The following RNF220 variants were observed in gnomAD, a reference collection of about 807,000 sequenced individuals.
RNF220 encodes E3 ubiquitin-protein ligase RNF220.
A neutral mutation model predicts 67.1 loss-of-function variants in RNF220; 7 were observed. That is an observed-to-expected ratio of 0.10 (90% CI 0.06 to 0.20). The LOEUF is 0.20. RNF220 is among the 10% of genes least tolerant of loss of function. RNF220 has a pLI of 1.00. For missense variants in RNF220, 565 were observed against 740.3 expected (o/e 0.76, Z 2.75); for synonymous variants, 270 against 283.2 (o/e 0.95, Z 0.47).
At chr1:44,647,286 A>G (rs1396145332) in intron 12 of RNF220, among the ~76,000 whole-genome samples, 1 of 152,182 alleles carries the variant, frequency 6.6e-6, no homozygotes, top group Non-Finnish European at 1.5e-5. Flanking sequence ...GGACTAGGCA[A>G]ATTCTCAGCT....
Position 44,650,921 on chromosome 1 carries a change from C to A in RNF220, c.*146C>A, listed in dbSNP as rs772409165. 2 of 699,650 alleles carry A rather than the reference C, an allele frequency of 2.9e-6. No individual in the cohort carries two copies. Among genetic ancestry groups the A allele is most frequent in the Non-Finnish European group, 5.0e-6 (2 of 396,630 alleles). The allele number at this position is 699,650 out of a possible 1,614,324, so 43.3% of individuals were successfully genotyped here. On this transcript the variant is annotated 3_prime_UTR_variant, in exon 15 of 15. Coordinates refer to ENST00000361799, the MANE Select transcript of RNF220 (RefSeq NM_018150.4). This position sits in a 1 kb window ranked among gnomAD's most constrained non-coding sequence, Gnocchi z 4.3. ...ACTCAAACATGCGTACACACACACA[C>A]ATTTACACACGCAGGACTCTGGAGC... is the stretch of plus-strand genomic sequence containing the variant.
chr1:44,451,318 G>A (rs1652661429), intron 2 of RNF220, among the ~76,000 whole-genome samples: 1 of 151,780 alleles, frequency 6.6e-6, no homozygotes, highest in African/African-American at 2.4e-5. Context: ...TTTAATTTTT[G>A]CAAATCTAAT....
At chr1:44,483,944 G>A (rs1311075775) in intron 2 of RNF220, among the ~76,000 whole-genome samples, 1 of 152,144 alleles carries the variant, frequency 6.6e-6, no homozygotes, top group African/African-American at 2.4e-5. Context: ...CTCACTGCTA[G>A]CCTTGGCCCT....
At chr1:44,413,446 CTTTT>C (rs1483947673) in intron 2 of RNF220, among the ~76,000 whole-genome samples, 1 of 152,164 alleles carries the variant, frequency 6.6e-6, no homozygotes, top group Non-Finnish European at 1.5e-5. Flanking sequence ...TATGAAACAG[CTTTT>C]TTTCATGTTC....
intron 2 of RNF220, among the ~76,000 whole-genome samples, chr1:44,458,336 GT>G (rs57080249): frequency 0.2 from 27,781 of 141,062 alleles, 2,935 homozygotes; most frequent in African/African-American, 0.29. Flanking sequence ...GATTTTTCCA[GT>G]TTTTTTTTTT....
intron 2 of RNF220, among the ~76,000 whole-genome samples, chr1:44,463,742 G>A (rs1654010706): frequency 1.3e-5 from 2 of 152,086 alleles, no homozygotes; most frequent in African/African-American, 2.4e-5. Flanking sequence ...CTCTTTCTTT[G>A]TTTTTAGACT....
chr1:44,480,765 AG>A (rs1300920266), intron 2 of RNF220, among the ~76,000 whole-genome samples: 1 of 152,208 alleles, frequency 6.6e-6, no homozygotes, highest in Non-Finnish European at 1.5e-5. Flanking sequence ...GCACGCCTGC[AG>A]TCCCAGCTAC....
intron 2 of RNF220, among the ~76,000 whole-genome samples, chr1:44,509,074 A>G (rs183563512): frequency 1.3e-5 from 2 of 152,266 alleles, no homozygotes; most frequent in African/African-American, 2.4e-5. Context: ...AGGGTTTCTT[A>G]ATGAAATTAT....
At chr1:44,476,072 A>T (rs537219920) in intron 2 of RNF220, among the ~76,000 whole-genome samples, 3 of 152,268 alleles carry the variant, frequency 2.0e-5, no homozygotes, top group Admixed American at 2.0e-4. Context: ...ATACATGCTT[A>T]TAAAGTTCCA....
chr1:44,553,566 G>A lies in RNF220; in HGVS notation c.626-60599G>A, dbSNP rs567082934. Among the ~76,000 whole-genome samples, 9 of 152,142 alleles carry A rather than the reference G, an allele frequency of 5.9e-5. No individual in the cohort carries two copies. In the South Asian group the frequency reaches 1.0e-3, roughly 18 times the overall value. ...ATGAGAAGCTGCCTAGGCCAAGGGC[G>A]TGGGATTCAATTGCTGTTTGGTTTC... On this transcript the variant is annotated intron_variant, in intron 2 of 14. Coordinates refer to ENST00000361799, the MANE Select transcript of RNF220 (RefSeq NM_018150.4).
At chr1:44,461,485 A>C (rs1294858162) in intron 2 of RNF220, among the ~76,000 whole-genome samples, 1 of 152,198 alleles carries the variant, frequency 6.6e-6, no homozygotes, top group Non-Finnish European at 1.5e-5. Context: ...GATCTGTTTC[A>C]GGAAAAGCAG....
At chr1:44,484,013 G>T (rs1442903666) in intron 2 of RNF220, among the ~76,000 whole-genome samples, 2 of 152,156 alleles carry the variant, frequency 1.3e-5, no homozygotes, top group Admixed American at 1.3e-4. Context: ...CAAAATCTGG[G>T]AATAACTGTT....
At chr1:44,616,625 T>C (rs1180219424) in intron 3 of RNF220, among the ~76,000 whole-genome samples, 1 of 151,462 alleles carries the variant, frequency 6.6e-6, no homozygotes, top group Non-Finnish European at 1.5e-5. Flanking sequence ...GGGATTGGCC[T>C]GCCAGTGGCA....
intron 2 of RNF220, among the ~76,000 whole-genome samples, chr1:44,584,500 A>C (rs1481504364): frequency 1.3e-5 from 2 of 152,200 alleles, no homozygotes; most frequent in Non-Finnish European, 1.5e-5. Flanking sequence ...CACTCAGGAA[A>C]GCCTAGCTGG....
At chr1:44,496,016 A>C (rs1308254632) in intron 2 of RNF220, among the ~76,000 whole-genome samples, 1 of 152,230 alleles carries the variant, frequency 6.6e-6, no homozygotes, top group African/African-American at 2.4e-5. Context: ...ATGCCTTGCT[A>C]AGAAGCTTAC....
At chr1:44,535,829 C>T (rs939410090) in intron 2 of RNF220, among the ~76,000 whole-genome samples, 8 of 152,144 alleles carry the variant, frequency 5.3e-5, no homozygotes, top group African/African-American at 1.9e-4. Flanking sequence ...GAATTGGCTT[C>T]TTCAAACCTG....
At chr1:44,599,408 C>T (rs578157819) in intron 2 of RNF220, among the ~76,000 whole-genome samples, 149 of 152,262 alleles carry the variant, frequency 9.8e-4, no homozygotes, top group Admixed American at 1.6e-3. Context: ...CGCGGTGGCT[C>T]ACATCTGTAA....
rs533063756 is a variant in RNF220, at chr1:44,581,309, C to T, written c.626-32856C>T. ...ACTTCTCCCATCAGGATTCATTAGC[C>T]TGTTTCAGCCTCTACGCCGGCAGGA... On this transcript the variant is annotated intron_variant, in intron 2 of 14. Transcript: ENST00000361799. Among the ~76,000 whole-genome samples, 3 of 152,350 alleles carry T rather than the reference C, an allele frequency of 2.0e-5. No individual in the cohort carries two copies. In the South Asian group the frequency reaches 6.2e-4, roughly 32 times the overall value.
At chr1:44,491,086 A>C (rs559846063) in intron 2 of RNF220, among the ~76,000 whole-genome samples, 2 of 152,326 alleles carry the variant, frequency 1.3e-5, no homozygotes, top group Admixed American at 6.5e-5. Flanking sequence ...TTGAATTGCT[A>C]ATTTTAATAT....
Sources: gnomAD v4.1 joint callset for allele counts (sites outside exome capture counted in the v4.1 genomes callset) on GRCh38, gnomAD v4.1.1 for gene constraint, Gnocchi (gnomAD v3.1) non-coding constraint, MANE v1.5 for transcripts, NCBI Gene and HGNC (gene_info 2026-07-23, HGNC 2026-07-21) for gene names.